The following MAGI1 variants were observed in gnomAD, a reference collection of about 807,000 sequenced individuals.
MAGI1 encodes membrane associated guanylate kinase, WW and PDZ domain containing 1.
Under a neutral mutation model 139.9 loss-of-function variants are expected in MAGI1, and 58 were observed. The observed-to-expected ratio is 0.41, with a 90% CI of 0.34 to 0.52. The LOEUF is 0.52. Among genes scored for constraint, MAGI1 ranks in the 20% least tolerant of loss-of-function variants. The probability of loss-of-function intolerance (pLI) is 0.12; values close to 1 mark genes in which losing one functional copy is unlikely to be tolerated. For synonymous variants in MAGI1, 812 were observed against 737.9 expected, an observed-to-expected ratio of 1.10 and a Z score of -1.63; for missense variants, 1,874 against 1,901.6, an observed-to-expected ratio of 0.99 and a Z score of 0.27.
rs564072828 is a variant in MAGI1, at chr3:65,509,680, G to A, written c.431-16049C>T. Among the ~76,000 whole-genome samples the A allele has an allele frequency of 2.0e-5, 3 of 152,262 alleles. No individual in the cohort carries two copies. In the East Asian group the frequency reaches 5.8e-4, roughly 30 times the overall value. On this transcript the variant is annotated intron_variant, in intron 2 of 22. Transcript: ENST00000402939. The stretch of plus-strand genomic sequence containing the variant: ...GCCCACGGAATCTCGCTGATTGCTA[G>A]CACAGCAGTCTGAGATCAAACTGCA...
chr3:65,599,251 C>A (rs145704650), intron 2 of MAGI1, among the ~76,000 whole-genome samples: 1 of 152,028 alleles, frequency 6.6e-6, no homozygotes, highest in Non-Finnish European at 1.5e-5. Context: ...TTTACGGGTG[C>A]GGGAGAAAGG....
chr3:65,471,105 G>T (rs1484857921), intron 4 of MAGI1, among the ~76,000 whole-genome samples: 1 of 152,244 alleles, frequency 6.6e-6, no homozygotes, highest in Admixed American at 6.5e-5. Context: ...AAAAAGTTAT[G>T]TTCCTGTGAA....
At chr3:65,427,497 G>A (rs1947139082) in intron 12 of MAGI1, among the ~76,000 whole-genome samples, 1 of 152,148 alleles carries the variant, frequency 6.6e-6, no homozygotes, top group African/African-American at 2.4e-5. Context: ...TAACAGAAAT[G>A]AGAAAGAGGA....
intron 1 of MAGI1, among the ~76,000 whole-genome samples, chr3:65,629,471 A>G (rs1283965678): frequency 6.6e-6 from 1 of 152,100 alleles, no homozygotes; most frequent in Non-Finnish European, 1.5e-5. Context: ...TTTAGCACAC[A>G]ATTTCTTCAA....
intron 2 of MAGI1, among the ~76,000 whole-genome samples, chr3:65,612,323 T>C (rs1215194879): frequency 6.6e-6 from 1 of 152,106 alleles, no homozygotes; most frequent in Non-Finnish European, 1.5e-5. Flanking sequence ...CGTTTTAACC[T>C]ACCAGCTTGT....
At chr3:65,711,358 A>T (rs1294487714) in intron 1 of MAGI1, among the ~76,000 whole-genome samples, 1 of 152,202 alleles carries the variant, frequency 6.6e-6, no homozygotes, top group Non-Finnish European at 1.5e-5. Flanking sequence ...TTTACTTTGG[A>T]ACCACATAAA....
chr3:65,707,884 T>G (rs2030659585), intron 1 of MAGI1, among the ~76,000 whole-genome samples: 1 of 152,068 alleles, frequency 6.6e-6, no homozygotes, highest in Non-Finnish European at 1.5e-5. Flanking sequence ...AGGAGGTCGC[T>G]AAAAATCCAA....
At chr3:65,775,562 T>C (rs1267336410) in intron 1 of MAGI1, among the ~76,000 whole-genome samples, 1 of 134,568 alleles carries the variant, frequency 7.4e-6, no homozygotes, top group Non-Finnish European at 1.6e-5. Context: ...ATTATGTGAA[T>C]GGATATGCAG....
At chr3:65,684,138 G>A (rs375358555) in intron 1 of MAGI1, among the ~76,000 whole-genome samples, 31 of 139,712 alleles carry the variant, frequency 2.2e-4, no homozygotes, top group Non-Finnish European at 4.6e-4. Flanking sequence ...CATGCCGCTG[G>A]ATTCCAGCCT....
intron 1 of MAGI1, among the ~76,000 whole-genome samples, chr3:65,833,475 G>A (rs1220791732): frequency 6.6e-6 from 1 of 152,066 alleles, no homozygotes; most frequent in African/African-American, 2.4e-5. Flanking sequence ...TTCCCCAGTA[G>A]CATCAGAGAC....
chr3:65,367,388 ATT>A (rs910653133), intron 18 of MAGI1, among the ~76,000 whole-genome samples: 1 of 151,668 alleles, frequency 6.6e-6, no homozygotes, highest in South Asian at 2.1e-4. Flanking sequence ...TTTATTTGCT[ATT>A]TTTTTTCCTC....
chr3:65,872,046 G>T (rs1029288349), intron 1 of MAGI1, among the ~76,000 whole-genome samples: 1 of 152,128 alleles, frequency 6.6e-6, no homozygotes. Flanking sequence ...GTGTAACCTG[G>T]GGACTGACCC....
At chr3:65,654,584 T>C (rs923209869) in intron 1 of MAGI1, among the ~76,000 whole-genome samples, 5 of 152,190 alleles carry the variant, frequency 3.3e-5, no homozygotes, top group Non-Finnish European at 7.3e-5. Context: ...ACACACACCA[T>C]TGAGTCTCTT....
rs1203902940 is a variant in MAGI1 at position 65,391,227 on chromosome 3, A to T, written c.2331T>A (p.Ala777=). 1 of 1,613,996 alleles carries T rather than the reference A, an allele frequency of 6.2e-7. No homozygotes were observed. ...LPEFPPAEAQ[A]PDQTDSSGQK... The stretch of plus-strand genomic sequence containing the variant: ...GGCCAGAGCTGTCAGTTTGATCTGG[A>T]GCTTGGGCCTCTGCAGGTGGGAACT... Residue 777 remains alanine (A), a synonymous_variant, in exon 14 of 23, where the codon GCT becomes GCA. Coordinates refer to ENST00000402939, the MANE Select transcript of MAGI1 (RefSeq NM_001033057.2).
rs138979532 is a variant in MAGI1 at position 65,844,182 on chromosome 3, CAG to C, written c.313+193812_313+193813del. 8.4e-3 allele frequency: 4,310 copies of C among 515,316 alleles called. 137 individuals are homozygous for C. The highest frequency in any genetic ancestry group is 0.073 in the African/African-American group (3,765 of 51,848). The allele number at this position is 515,316 out of a possible 1,614,324, so 31.9% of individuals were successfully genotyped here. A position where few individuals can be genotyped will look rare whatever the true frequency, so the allele number is the denominator to read the frequency against. On this transcript the variant is annotated intron_variant, in intron 1 of 22. Coordinates refer to ENST00000402939, the MANE Select transcript of MAGI1 (RefSeq NM_001033057.2). ...TTTTTGCTGCACATGTGTAAAAATG[CAG>C]AGAGTCATGCTGAACTTAAGAGTTT...
rs77107260 is a variant in MAGI1, at chr3:65,752,244, G to C, written c.314-130156C>G. On this transcript the variant is annotated intron_variant, in intron 1 of 22. Coordinates refer to ENST00000402939, the MANE Select transcript of MAGI1 (RefSeq NM_001033057.2). Reference sequence around the variant, plus strand: ...GATTACAAGAGTGACCCACTGCAAAGATACTTAGAAGTAGCTTTAAGATCA... The same window carrying C: ...GATTACAAGAGTGACCCACTGCAAACATACTTAGAAGTAGCTTTAAGATCA... Among the ~76,000 whole-genome samples, 644 of 152,250 alleles carry C rather than the reference G, an allele frequency of 4.2e-3. 4 individuals are homozygous for C. The highest frequency in any genetic ancestry group is 0.015 in the African/African-American group (619 of 41,558).
Position 65,512,534 on chromosome 3 carries a change from G to A in MAGI1, c.431-18903C>T, listed in dbSNP as rs1381247959. Among the ~76,000 whole-genome samples the A allele has an allele frequency of 7.2e-5, 11 of 151,882 alleles. No homozygotes were observed. In the South Asian group the frequency reaches 1.0e-3, roughly 14 times the overall value. ...CAGAGAATACTACAAACACCTCTACGCAAATAAAATAGAAAATCTAGAAGA... is the reference window on the plus strand; with the variant it reads ...CAGAGAATACTACAAACACCTCTACACAAATAAAATAGAAAATCTAGAAGA... On this transcript the variant is annotated intron_variant, in intron 2 of 22. Coordinates refer to ENST00000402939, the MANE Select transcript of MAGI1 (RefSeq NM_001033057.2).
intron 18 of MAGI1, among the ~76,000 whole-genome samples, chr3:65,370,968 T>C (rs1427057592): frequency 1.3e-5 from 2 of 152,164 alleles, no homozygotes; most frequent in Non-Finnish European, 2.9e-5. Flanking sequence ...TGTATTTTAT[T>C]AAATTAAGTC....
chr3:65,442,175 T>C (rs1948388102), intron 8 of MAGI1, among the ~76,000 whole-genome samples: 1 of 151,460 alleles, frequency 6.6e-6, no homozygotes, highest in Admixed American at 6.6e-5. Context: ...GGGAGCCCAA[T>C]GCTAGAATAA....
Sources: gnomAD v4.1 joint callset for allele counts (sites outside exome capture counted in the v4.1 genomes callset) on GRCh38, gnomAD v4.1.1 for gene constraint, MANE v1.5 for transcripts, NCBI Gene and HGNC (gene_info 2026-07-23, HGNC 2026-07-21) for gene names.